The following BEST4 variants were observed in gnomAD, a reference collection of about 807,000 sequenced individuals.
BEST4 encodes bestrophin-4.
BEST4 carries 36 observed loss-of-function variants against 47.1 expected under a neutral mutation model. The ratio of observed to expected loss-of-function variants is 0.76; its 90% CI spans 0.59 to 1.01. The LOEUF is 1.01. Ranked by LOEUF, BEST4 falls within the 50% of genes least tolerant of loss-of-function variation. The probability of loss-of-function intolerance (pLI) is 0.00; values close to 1 mark genes in which losing one functional copy is unlikely to be tolerated. For synonymous variants in BEST4, 250 were observed against 277.8 expected (o/e 0.90, Z 1.00); for missense variants, 550 against 648.6 (o/e 0.85, Z 1.65).
upstream of BEST4, among the ~76,000 whole-genome samples, chr1:44,789,547 A>T (rs1360554076): frequency 2.0e-5 from 3 of 151,966 alleles, no homozygotes; most frequent in African/African-American, 7.3e-5. Context: ...AAAAATACAA[A>T]ATTAGCTGAG....
At chr1:44,792,210 T>G (rs921833728), upstream of BEST4, among the ~76,000 whole-genome samples, 1 of 151,366 alleles carries the variant, frequency 6.6e-6, no homozygotes, top group Non-Finnish European at 1.5e-5. Flanking sequence ...CCATTGCACT[T>G]GAGGTCAGGA....
At chr1:44,790,568 A>T (rs369665236), upstream of BEST4, among the ~76,000 whole-genome samples, 5 of 151,912 alleles carry the variant, frequency 3.3e-5, no homozygotes, top group African/African-American at 1.2e-4. Flanking sequence ...TTACAGGGAG[A>T]TCTCCCCTCT....
Position 44,787,831 on chromosome 1 carries a change from G to C in BEST4, c.-126C>G. The C allele has an allele frequency of 8.6e-6, 10 of 1,162,824 alleles. No individual in the cohort carries two copies. The highest frequency in any genetic ancestry group is 1.2e-5 in the Non-Finnish European group (10 of 823,104). 72.0% of individuals were successfully genotyped at this position (1,162,824 alleles called of 1,614,324 possible). A position where few individuals can be genotyped will look rare whatever the true frequency, so the allele number is the denominator to read the frequency against. ...GCCTTCACCCTGCGTCAGTGGACAA[G>C]GGGGTAGGAGCCTGCAGAGCAGAAA... On this transcript the variant is annotated 5_prime_UTR_variant, in exon 1 of 9. Coordinates refer to ENST00000372207, the MANE Select transcript of BEST4 (RefSeq NM_153274.3).
rs1448135854 is a variant in BEST4, at chr1:44,786,642, G to A, written c.302C>T (p.Pro101Leu). 6.4e-7 allele frequency: 1 copy of A among 1,551,636 alleles called. No individual in the cohort carries two copies. The highest frequency in any genetic ancestry group is 2.4e-5 in the East Asian group (1 of 40,920). ...GACGCACATCAGCTGGTCTGGCAGC[G>A]GGATGCTTGTGTACTGGGACCACCA... is the stretch of plus-strand genomic sequence containing the variant. ...NRWWSQYTSI[P>L]LPDQLMCVIS... is the part of the protein sequence containing the mutation. The change falls in exon 3 of 9, where the codon CCG (proline) becomes CTG (leucine). Residue 101 changes from proline (P) to leucine (L), a missense_variant. By Grantham distance (98) the Pro-to-Leu change is moderately conservative. Coordinates refer to ENST00000372207, the MANE Select transcript of BEST4 (RefSeq NM_153274.3). This position sits in a 1 kb window ranked among gnomAD's most constrained non-coding sequence, Gnocchi z 4.9.
rs1651228800 is a variant in BEST4 at position 44,786,286 on chromosome 1, T to C, written c.482-58A>G. ...ACCCTCTGCCGCCAGGGGAGGCTGC[T>C]GTTCCGCCGTCTGGCTCCCCTCCCT... On this transcript the variant is annotated intron_variant, in intron 3 of 8. Coordinates refer to ENST00000372207, the MANE Select transcript of BEST4 (RefSeq NM_153274.3). The surrounding 1 kb of genome is among the most constrained non-coding windows in gnomAD (Gnocchi z 4.9). 6.5e-7 allele frequency: 1 copy of C among 1,536,738 alleles called. No individual in the cohort carries two copies. The highest frequency in any genetic ancestry group is 8.8e-7 in the Non-Finnish European group (1 of 1,141,086).
At chr1:44,792,488 G>C (rs1651438272), upstream of BEST4, among the ~76,000 whole-genome samples, 1 of 151,660 alleles carries the variant, frequency 6.6e-6, no homozygotes, top group Non-Finnish European at 1.5e-5. Context: ...ATCACATGGA[G>C]TCGTTGCGCA....
chr1:44,786,476 G>A lies in BEST4; in HGVS notation c.468C>T (p.His156=). The change falls in exon 3 of 9, where the codon CAC becomes CAT. Residue 156 remains histidine (H), a synonymous_variant. Transcript: ENST00000372207. The surrounding 1 kb of genome is among the most constrained non-coding windows in gnomAD (Gnocchi z 4.9). The part of the protein sequence containing the change: ...RVLKRFPTME[H]VVDAGFMSQE... ...CGGGCGGCGCACCTGCGTCCACCACGTGCTCCATGGTGGGGAAGCGCTTAA... is the reference window on the plus strand; with the variant it reads ...CGGGCGGCGCACCTGCGTCCACCACATGCTCCATGGTGGGGAAGCGCTTAA... 5.2e-6 allele frequency: 8 copies of A among 1,527,482 alleles called. No homozygotes were observed. Among genetic ancestry groups the A allele is most frequent in the Non-Finnish European group, 7.0e-6 (8 of 1,135,024 alleles). 94.6% of individuals were successfully genotyped at this position (1,527,482 alleles called of 1,614,324 possible).
In BEST4 at chr1:44,787,689, G is replaced by A; in HGVS notation, c.17C>T (p.Thr6Ile). Residue 6 changes from threonine to isoleucine, a missense_variant, in exon 1 of 9, where the codon ACT becomes ATT. Physicochemically the swap from Thr to Ile is moderately conservative, Grantham distance 89 (BLOSUM62 -1). This residue lies in a region of BEST4 where 291 missense variants were observed against 342.4 expected (regional missense o/e 0.85). Transcript: ENST00000372207. ...GAAGCGGGCCTCCGCCACTTTGAGA[G>A]TGTATGAAACCGTCATGGTGCTGGG... MTVSY[T>I]LKVAEARFGG... The A allele has an allele frequency of 1.2e-6, 2 of 1,614,128 alleles. No homozygotes were observed. The highest frequency in any genetic ancestry group is 1.7e-6 in the Non-Finnish European group (2 of 1,180,038).
In BEST4 at chr1:44,786,035, GGGA is replaced by G. The variant is rs1458226751; in HGVS notation, c.636+36_636+38del. 4 of 1,547,086 alleles carry G rather than the reference GGGA, an allele frequency of 2.6e-6. No homozygotes were observed. The highest frequency in any genetic ancestry group is 3.5e-6 in the Non-Finnish European group (4 of 1,149,432). ...ATTATTATTCATCTTTAAAATTAGAGGGAGGAGGGCAGATGGGTCTGGTCCTGA... is the reference window on the plus strand; with the variant it reads ...ATTATTATTCATCTTTAAAATTAGAGGGAGGGCAGATGGGTCTGGTCCTGA... On this transcript the variant is annotated intron_variant, in intron 4 of 8. Coordinates refer to ENST00000372207, the MANE Select transcript of BEST4 (RefSeq NM_153274.3). This position sits in a 1 kb window ranked among gnomAD's most constrained non-coding sequence, Gnocchi z 4.9.
Position 44,784,330 on chromosome 1 carries a change from T to C in BEST4, c.1302A>G (p.Arg434=). 7.2e-7 allele frequency: 1 copy of C among 1,393,318 alleles called. No homozygotes were observed. The highest frequency in any genetic ancestry group is 9.2e-7 in the Non-Finnish European group (1 of 1,083,622). The allele number at this position is 1,393,318 out of a possible 1,614,324, so 86.3% of individuals were successfully genotyped here. Reference sequence around the variant, plus strand: ...GCAGATGCGGGGGGCGGGGGGTGCCTCGCACGCGGCCGAAGTTCCGGAGGC... The same window carrying C: ...GCAGATGCGGGGGGCGGGGGGTGCCCCGCACGCGGCCGAAGTTCCGGAGGC... ...AISLRNFGRV[R]GTPRPPHLLR... The change falls in exon 9 of 9, where the codon CGA becomes CGG. Residue 434 remains arginine, a synonymous_variant. Coordinates refer to ENST00000372207, the MANE Select transcript of BEST4 (RefSeq NM_153274.3). This position sits in a 1 kb window ranked among gnomAD's most constrained non-coding sequence, Gnocchi z 6.2.
intron 6 of BEST4, 51 bp from the exon 7 acceptor site, chr1:44,785,036 C>T (rs1490713844): frequency 6.2e-6 from 10 of 1,610,968 alleles, no homozygotes; most frequent in Non-Finnish European, 8.5e-6. Context: ...CACTCTTTTT[C>T]CCCAAAGTCG....
At chr1:44,790,809 G>C (rs1465440723), upstream of BEST4, among the ~76,000 whole-genome samples, 1 of 152,108 alleles carries the variant, frequency 6.6e-6, no homozygotes, top group Non-Finnish European at 1.5e-5. Flanking sequence ...TACTTGGGAG[G>C]CTGAGGTGGG....
At position 44,784,417 on chromosome 1, in the gene BEST4, G is replaced by A. The variant is rs1014597926; in HGVS notation, c.1215C>T (p.Pro405=). The change falls in exon 9 of 9, where the codon CCC becomes CCT. Residue 405 remains proline, a synonymous_variant. Transcript: ENST00000372207. This position sits in a 1 kb window ranked among gnomAD's most constrained non-coding sequence, Gnocchi z 6.2. ...EASPGSGRPA[P]AAQTPLLGRF... ...GGCCGAGCAACGGGGTCTGCGCGGC[G>A]GGCGCGGGCCGACCAGATCCGGGGG... The A allele has an allele frequency of 2.1e-6, 3 of 1,417,616 alleles. No individual in the cohort carries two copies. Among genetic ancestry groups the A allele is most frequent in the African/African-American group, 1.5e-5 (1 of 66,084 alleles). 87.8% of individuals were successfully genotyped at this position (1,417,616 alleles called of 1,614,324 possible). A position where few individuals can be genotyped will look rare whatever the true frequency, so the allele number is the denominator to read the frequency against.
At chr1:44,790,653 G>A (rs995488656), upstream of BEST4, among the ~76,000 whole-genome samples, 3 of 152,192 alleles carry the variant, frequency 2.0e-5, no homozygotes, top group East Asian at 5.8e-4. Flanking sequence ...GCTCATGCCT[G>A]TAATCCTGAC....
chr1:44,784,233 C>T lies in BEST4; in HGVS notation c.1399G>A (p.Gly467Arg). The change falls in exon 9 of 9, where the codon GGG (glycine) becomes AGG (arginine). Residue 467 changes from glycine to arginine, a missense_variant. By Grantham distance (125) the Gly-to-Arg change is moderately radical. Around this residue, in one of 3 missense-constraint regions of BEST4, gnomAD observed 255 missense variants for 286.6 expected, o/e 0.89. Transcript: ENST00000372207. The surrounding 1 kb of genome is among the most constrained non-coding windows in gnomAD (Gnocchi z 6.2). ...ARIEEESAES[G>R]DEALEP Reference sequence around the variant, plus strand: ...CCTCAGGGCTCCAGGGCCTCGTCCCCGGACTCCGCCGATTCCTCCTCGATG... The same window carrying T: ...CCTCAGGGCTCCAGGGCCTCGTCCCTGGACTCCGCCGATTCCTCCTCGATG... 6.9e-7 allele frequency: 1 copy of T among 1,450,578 alleles called. No homozygotes were observed. The highest frequency in any genetic ancestry group is 9.0e-7 in the Non-Finnish European group (1 of 1,110,808). 89.9% of individuals were successfully genotyped at this position (1,450,578 alleles called of 1,614,324 possible).
upstream of BEST4, among the ~76,000 whole-genome samples, chr1:44,791,446 C>T (rs537138587): frequency 3.3e-5 from 5 of 152,122 alleles, no homozygotes; most frequent in Non-Finnish European, 5.9e-5. Flanking sequence ...GCCGTGTCTC[C>T]CTGACAGCTC....
Position 44,786,718 on chromosome 1 carries a change from G to C in BEST4, c.248-22C>G. On this transcript the variant is annotated intron_variant, in intron 2 of 8. Transcript: ENST00000372207. The surrounding 1 kb of genome is among the most constrained non-coding windows in gnomAD (Gnocchi z 4.9). ...AAACCTGCTTGGCCGCCGTGATAGA[G>C]GGAGTAGGAAGGGAGAGTGGAGAGC... The C allele has an allele frequency of 6.5e-7, 1 of 1,534,820 alleles. No individual in the cohort carries two copies. The highest frequency in any genetic ancestry group is 8.8e-7 in the Non-Finnish European group (1 of 1,133,852).
chr1:44,788,367 C>T (rs1246702266), upstream of BEST4, among the ~76,000 whole-genome samples: 2 of 152,204 alleles, frequency 1.3e-5, no homozygotes, highest in Non-Finnish European at 1.5e-5. Flanking sequence ...CCCCACAGCT[C>T]ACACAGACGA....
At position 44,784,990 on chromosome 1, in the gene BEST4, A is replaced by G; in HGVS notation, c.913-5T>C. On this transcript the variant is annotated splice_polypyrimidine_tract_variant and splice_region_variant and intron_variant, in intron 6 of 8. Coordinates refer to ENST00000372207, the MANE Select transcript of BEST4 (RefSeq NM_153274.3). This position sits in a 1 kb window ranked among gnomAD's most constrained non-coding sequence, Gnocchi z 6.2. ...GTTGATGATCTGTTCAGCCACCTAT[A>G]GGTGGCAGAGACAGGGTTTTCTGGG... The G allele has an allele frequency of 2.5e-6, 4 of 1,613,932 alleles. No individual in the cohort carries two copies. Among genetic ancestry groups the G allele is most frequent in the Non-Finnish European group, 3.4e-6 (4 of 1,179,924 alleles).
Sources: allele counts gnomAD v4.1 joint callset (sites outside exome capture counted in the v4.1 genomes callset), GRCh38; gene constraint gnomAD v4.1.1; regional missense constraint gnomAD v4.1.1; non-coding constraint Gnocchi (gnomAD v3.1); transcripts MANE v1.5; gene names NCBI Gene and HGNC (gene_info 2026-07-23, HGNC 2026-07-21).